Variants in CPA4 observed in about 807,000 individuals in gnomAD.
CPA4 encodes carboxypeptidase A3.
CPA4 carries 49 observed loss-of-function variants against 54.7 expected under a neutral mutation model. That is an observed-to-expected ratio of 0.90 (90% CI 0.71 to 1.14). The LOEUF (loss-of-function observed/expected upper bound fraction) is 1.14. CPA4 is among the 50% of genes most tolerant of loss of function. The probability of loss-of-function intolerance (pLI) is 0.00; values close to 1 mark genes in which losing one functional copy is unlikely to be tolerated. For synonymous variants in CPA4, 215 were observed against 206.8 expected (o/e 1.04, Z -0.34); for missense variants, 487 against 525.1 (o/e 0.93, Z 0.71).
At chr7:130,317,493 C>T (rs919423815) in intron 10 of CPA4, among the ~76,000 whole-genome samples, 3 of 152,194 alleles carry the variant, frequency 2.0e-5, no homozygotes, top group African/African-American at 7.2e-5. Flanking sequence ...GACAGGGTCT[C>T]ACTCTCTGGT....
intron 6 of CPA4, chr7:130,306,191 C>A (rs1473396926): frequency 8.2e-6 from 4 of 485,314 alleles, no homozygotes; most frequent in Non-Finnish European, 1.1e-5. Context: ...AGAAAGGGAG[C>A]AGAGCAACAC....
intron 4 of CPA4, among the ~76,000 whole-genome samples, chr7:130,302,569 G>A (rs1793755664): frequency 6.6e-6 from 1 of 151,810 alleles, no homozygotes; most frequent in Admixed American, 6.6e-5. Context: ...GGAATTTCAT[G>A]TTTGTCTCTG....
chr7:130,297,502 G>C (rs899577072), intron 1 of CPA4, among the ~76,000 whole-genome samples: 1 of 152,148 alleles, frequency 6.6e-6, no homozygotes, highest in Non-Finnish European at 1.5e-5. Context: ...GGAACCTTCA[G>C]CACTGTCATC....
chr7:130,309,819 G>A (rs1793884096), intron 8 of CPA4, among the ~76,000 whole-genome samples: 1 of 152,198 alleles, frequency 6.6e-6, no homozygotes, highest in Non-Finnish European at 1.5e-5. Flanking sequence ...AGGCTGGAGT[G>A]CAGTGGCGTG....
intron 1 of CPA4, among the ~76,000 whole-genome samples, chr7:130,295,643 A>T (rs961560296): frequency 6.6e-6 from 1 of 152,222 alleles, no homozygotes; most frequent in African/African-American, 2.4e-5. Flanking sequence ...GCACCCCGCA[A>T]TGTCCTCCCT....
At chr7:130,304,824 T>C (rs1335832573) in intron 5 of CPA4, among the ~76,000 whole-genome samples, 1 of 152,210 alleles carries the variant, frequency 6.6e-6, no homozygotes, top group African/African-American at 2.4e-5. Flanking sequence ...AGGGAGGTGA[T>C]TAGTATTCCA....
At position 130,298,760 on chromosome 7, in the gene CPA4, G is replaced by A; in HGVS notation, c.83G>A (p.Arg28Lys). The A allele has an allele frequency of 6.2e-7, 1 of 1,609,070 alleles. No homozygotes were observed. Among genetic ancestry groups the A allele is most frequent in the South Asian group, 1.1e-5 (1 of 90,860 alleles). The change falls in exon 2 of 11, where the codon AGG (arginine) becomes AAG (lysine). Residue 28 changes from arginine to lysine, a missense_variant. By Grantham distance (26) the Arg-to-Lys change is conservative. Coordinates refer to ENST00000222482, the MANE Select transcript of CPA4 (RefSeq NM_016352.4). The stretch of plus-strand genomic sequence containing the variant: ...TTCTTCCCCAGGGACCAAGTTTTGA[G>A]GATTAATGTCAGAAATGGAGACGAG... ...QEKFFGDQVL[R>K]INVRNGDEIS...
intron 4 of CPA4, 21 bp downstream of exon 4, chr7:130,300,935 T>C (rs992781107): frequency 9.2e-6 from 14 of 1,522,926 alleles, no homozygotes; most frequent in Non-Finnish European, 1.0e-5. Flanking sequence ...CAGAGTGGGT[T>C]AAGATCAAGG....
At position 130,310,378 on chromosome 7, in the gene CPA4, A is replaced by G. The variant is rs1479198403; in HGVS notation, c.794-409A>G. On this transcript the variant is annotated intron_variant, in intron 8 of 10. Coordinates refer to ENST00000222482, the MANE Select transcript of CPA4 (RefSeq NM_016352.4). The surrounding 1 kb of genome is among the most constrained non-coding windows in gnomAD (Gnocchi z 4.3). Reference sequence around the variant, plus strand: ...CAAGAGATTTTAGCCACAACAATTGATTATTTCTGGCACACTTGGCCTTTA... The same window carrying G: ...CAAGAGATTTTAGCCACAACAATTGGTTATTTCTGGCACACTTGGCCTTTA... 6.6e-6 allele frequency among the ~76,000 whole-genome samples: 1 copy of G among 152,228 alleles called. No homozygotes were observed. The highest frequency in any genetic ancestry group is 1.5e-5 in the Non-Finnish European group (1 of 68,040).
At position 130,302,531 on chromosome 7, in the gene CPA4, C is replaced by A. The variant is rs578071798; in HGVS notation, c.384+1617C>A. Among the ~76,000 whole-genome samples, 258 of 151,602 alleles carry A rather than the reference C, an allele frequency of 1.7e-3. 1 individual carries two copies. Among genetic ancestry groups the A allele is most frequent in the African/African-American group, 5.9e-3 (242 of 41,320 alleles). On this transcript the variant is annotated intron_variant, in intron 4 of 10. Transcript: ENST00000222482. ...AGAGCGCTCATATTGGCTCACGCAA[C>A]CACTTAGGCTTTCTTAGGTCTCTAG... is the stretch of plus-strand genomic sequence containing the variant.
chr7:130,321,903 G>C (rs1906489), intron 10 of CPA4, among the ~76,000 whole-genome samples: 95,898 of 151,956 alleles, frequency 0.63, 30,306 homozygotes, highest in Admixed American at 0.69. Context: ...ATATCAGCTT[G>C]CATTTTTCAT....
At chr7:130,294,524 C>T (rs557412073) in intron 1 of CPA4, among the ~76,000 whole-genome samples, 3 of 152,292 alleles carry the variant, frequency 2.0e-5, no homozygotes, top group South Asian at 2.1e-4. Flanking sequence ...TGTGGGCTGA[C>T]GCATGGAACT....
intron 10 of CPA4, among the ~76,000 whole-genome samples, chr7:130,315,188 G>C (rs1009172849): frequency 2.0e-5 from 3 of 151,998 alleles, no homozygotes; most frequent in Non-Finnish European, 4.4e-5. Context: ...GTTGTGGCAG[G>C]CATTTGTTAG....
intron 6 of CPA4, 176 bp downstream of exon 6, chr7:130,306,096 C>T (rs766988313): frequency 5.0e-5 from 30 of 604,888 alleles, no homozygotes; most frequent in East Asian, 2.8e-4. Context: ...CAGCTCACTG[C>T]GGCCAAATTG....
Position 130,318,525 on chromosome 7 carries a change from C to T in CPA4, c.1079-3964C>T, listed in dbSNP as rs529883303. Among the ~76,000 whole-genome samples, 167 of 152,330 alleles carry T rather than the reference C, an allele frequency of 1.1e-3. 3 individuals carry two copies. The South Asian group carries it at 0.03, about 27-fold the overall frequency. ...CTCCCAGGTTCAAGCGATTCCCCTGCCTCAGCCTCCCGAGTAACTGGGATT... is the reference window on the plus strand; with the variant it reads ...CTCCCAGGTTCAAGCGATTCCCCTGTCTCAGCCTCCCGAGTAACTGGGATT... On this transcript the variant is annotated intron_variant, in intron 10 of 10. Transcript: ENST00000222482.
intron 10 of CPA4, among the ~76,000 whole-genome samples, chr7:130,313,252 G>T (rs538980047): frequency 3.9e-5 from 6 of 152,280 alleles, no homozygotes; most frequent in Non-Finnish European, 7.4e-5. Flanking sequence ...GGTTGATTAG[G>T]CAGGGTAAGA....
intron 10 of CPA4, 22 bp from the exon 11 acceptor site, chr7:130,322,466 GT>G (rs756114362): frequency 3.7e-6 from 6 of 1,602,238 alleles, no homozygotes; most frequent in Non-Finnish European, 5.1e-6. Context: ...GGCTTCAAGA[GT>G]GTTTTGTCCT....
rs1397681427 is a variant in CPA4 at position 130,310,885 on chromosome 7, C to G, written c.892C>G (p.His298Asp). 5 of 1,614,120 alleles carry G rather than the reference C, an allele frequency of 3.1e-6. No homozygotes were observed. Among genetic ancestry groups the G allele is most frequent in the Non-Finnish European group, 4.2e-6 (5 of 1,179,970 alleles). Residue 298 changes from histidine to aspartate, a missense_variant, in exon 9 of 11, where the codon CAT becomes GAT. By Grantham distance (81) the His-to-Asp change is moderately conservative. Coordinates refer to ENST00000222482, the MANE Select transcript of CPA4 (RefSeq NM_016352.4). This position sits in a 1 kb window ranked among gnomAD's most constrained non-coding sequence, Gnocchi z 4.3. ...VKSVVDFIQK[H>D]GNFKGFIDLH... ...ATCAGTGGTAGATTTCATCCAAAAA[C>G]ATGGGAATTTCAAGGGCTTCATCGA...
intron 3 of CPA4, among the ~76,000 whole-genome samples, chr7:130,300,192 G>A (rs924829407): frequency 6.6e-6 from 1 of 152,146 alleles, no homozygotes; most frequent in Non-Finnish European, 1.5e-5. Context: ...CCCAAGCTGT[G>A]TATTTCAGAG....
Sources: gnomAD v4.1 joint callset for allele counts (sites outside exome capture counted in the v4.1 genomes callset) on GRCh38, gnomAD v4.1.1 for gene constraint, Gnocchi (gnomAD v3.1) non-coding constraint, MANE v1.5 for transcripts, NCBI Gene and HGNC (gene_info 2026-07-23, HGNC 2026-07-21) for gene names.